KNTC1: variants seen among roughly 807,000 people sequenced by gnomAD.
The protein encoded by KNTC1 is kinetochore-associated protein 1.
KNTC1 carries 253 observed loss-of-function variants against 314.4 expected under a neutral mutation model. That is an observed-to-expected ratio of 0.80 (90% CI 0.73 to 0.89). The LOEUF is 0.89. Among genes scored for constraint, KNTC1 ranks in the 40% least tolerant of loss-of-function variants. The pLI is 0.00. For synonymous variants in KNTC1, 901 were observed against 901.4 expected (o/e 1.00, Z 0.01); for missense variants, 2,475 against 2,572.9 (o/e 0.96, Z 0.82).
chr12:122,585,583 A>G (rs1439900659), intron 36 of KNTC1, 53 bp from the exon 37 acceptor site: 3 of 1,582,552 alleles, frequency 1.9e-6, no homozygotes, highest in Non-Finnish European at 1.7e-6. Context: ...AGAAGAAACA[A>G]TGTGTTGTGC....
In KNTC1 at chr12:122,562,635, C is replaced by T. The variant is rs763777280; in HGVS notation, c.1543-3C>T. 7.7e-6 allele frequency: 12 copies of T among 1,557,798 alleles called. No individual in the cohort carries two copies. The highest frequency in any genetic ancestry group is 1.1e-5 in the Non-Finnish European group (12 of 1,130,970). ...TCAGATTATTAAATTATTTTTTCTT[C>T]AGGTGCTAAGAGCTCATGCAAAATT... On this transcript the variant is annotated splice_polypyrimidine_tract_variant and splice_region_variant and intron_variant, in intron 19 of 63. Transcript: ENST00000333479.
chr12:122,565,904 C>G (rs1593556627), intron 20 of KNTC1, among the ~76,000 whole-genome samples: 2 of 151,254 alleles, frequency 1.3e-5, no homozygotes, highest in South Asian at 4.2e-4. Context: ...TAAATAAATA[C>G]TTTCTCTTGT....
rs1868683470 is a variant in KNTC1 at position 122,583,138 on chromosome 12, T to C, written c.3263+153T>C. 2.0e-5 allele frequency among the ~76,000 whole-genome samples: 3 copies of C among 152,234 alleles called. No homozygotes were observed. The South Asian group carries it at 6.2e-4, about 32-fold the overall frequency. On this transcript the variant is annotated intron_variant, in intron 34 of 63. Coordinates refer to ENST00000333479, the MANE Select transcript of KNTC1 (RefSeq NM_014708.6). The stretch of plus-strand genomic sequence containing the variant: ...CATCCTGGCTAACATGGTGAAACCC[T>C]GTCTCTACTAAAAATACAAAAAATT...
chr12:122,585,990 C>T (rs1869229902), intron 37 of KNTC1, among the ~76,000 whole-genome samples: 1 of 152,280 alleles, frequency 6.6e-6, no homozygotes, highest in South Asian at 2.1e-4. Context: ...TGTTTGAAGT[C>T]AGGGCAGTGG....
At position 122,626,237 on chromosome 12, in the gene KNTC1, A is replaced by G. The variant is rs2138213287; in HGVS notation, c.*9A>G. ...TTAGTGGATTATCGTAAATCACTGA[A>G]CCTTTTTTTCAAGAAGGACAAGAAT... On this transcript the variant is annotated 3_prime_UTR_variant, in exon 64 of 64. Coordinates refer to ENST00000333479, the MANE Select transcript of KNTC1 (RefSeq NM_014708.6). The G allele has an allele frequency of 1.3e-6, 2 of 1,583,722 alleles. No individual in the cohort carries two copies. Among genetic ancestry groups the G allele is most frequent in the East Asian group, 4.5e-5 (2 of 44,662 alleles).
intron 18 of KNTC1, among the ~76,000 whole-genome samples, chr12:122,559,113 C>T (rs1307255686): frequency 6.6e-6 from 1 of 152,000 alleles, no homozygotes; most frequent in East Asian, 1.9e-4. Flanking sequence ...CTTTGGGAGG[C>T]CGAGGTGGGC....
rs1961175723 is a variant in KNTC1, at chr12:122,530,026, GAC to G, written c.-36_-35del. 4 of 1,606,574 alleles carry G rather than the reference GAC, an allele frequency of 2.5e-6. No individual in the cohort carries two copies. The African/African-American group carries it at 4.0e-5, about 16-fold the overall frequency. On this transcript the variant is annotated 5_prime_UTR_variant, in exon 2 of 64. An upstream open reading frame in the 5' UTR loses its in-frame stop. Transcript: ENST00000333479. The stretch of plus-strand genomic sequence containing the variant: ...GTCTAATTTTATGTTGTTCAGGAAA[GAC>G]AGTGGTTCCTGACTCAGGAAGACAG...
chr12:122,623,793 G>C (rs1239217381), intron 62 of KNTC1, among the ~76,000 whole-genome samples: 1 of 152,126 alleles, frequency 6.6e-6, no homozygotes, highest in South Asian at 2.1e-4. Flanking sequence ...CTGGCCGGGC[G>C]CAGTGGCTTA....
chr12:122,538,260 T>A, intron 3 of KNTC1, 79 bp from the exon 4 acceptor site: 2 of 801,250 alleles, frequency 2.5e-6, no homozygotes, highest in Non-Finnish European at 4.0e-6. Context: ...GGCTTTTTAA[T>A]GAGAAAAATT....
chr12:122,542,572 C>A (rs1008078697), intron 6 of KNTC1, among the ~76,000 whole-genome samples: 13 of 152,114 alleles, frequency 8.5e-5, no homozygotes, highest in South Asian at 2.1e-4. Context: ...GCAAGACCAG[C>A]CTGACCAACA....
intron 1 of KNTC1, among the ~76,000 whole-genome samples, chr12:122,529,643 T>TAAAGGTTTATTTCTAATG (rs1170765715): frequency 1.3e-5 from 2 of 152,348 alleles, no homozygotes; most frequent in South Asian, 4.1e-4. Context: ...TTGCTGCTAT[T>TAAAGGTTTATTTCTAATG]AAAGGTTTAT....
chr12:122,568,569 G>A (rs2137895010), intron 21 of KNTC1, among the ~76,000 whole-genome samples, 197 bp downstream of exon 21: 1 of 152,352 alleles, frequency 6.6e-6, no homozygotes, highest in Middle Eastern at 3.4e-3. Flanking sequence ...GGGCGCGATG[G>A]CTCACGCCTA....
chr12:122,571,836 A>AT (rs1248261350), intron 24 of KNTC1, among the ~76,000 whole-genome samples: 1 of 151,322 alleles, frequency 6.6e-6, no homozygotes, highest in African/African-American at 2.4e-5. Flanking sequence ...CGCCTGGCTA[A>AT]TTTTTTTTAT....
At chr12:122,559,398 G>A (rs1280947199) in intron 18 of KNTC1, among the ~76,000 whole-genome samples, 1 of 152,058 alleles carries the variant, frequency 6.6e-6, no homozygotes, top group Admixed American at 6.6e-5. Flanking sequence ...GCACATGTCA[G>A]TGCTGTATTT....
intron 39 of KNTC1, among the ~76,000 whole-genome samples, 174 bp from the exon 40 acceptor site, chr12:122,588,538 T>C (rs1364507886): frequency 6.6e-6 from 1 of 152,212 alleles, no homozygotes; most frequent in African/African-American, 2.4e-5. Flanking sequence ...TTTTTAATGC[T>C]TCCTCTTTGC....
Position 122,574,345 on chromosome 12 carries a change from G to A in KNTC1, c.2347G>A (p.Ala783Thr). The change falls in exon 27 of 64, where the codon GCC (alanine) becomes ACC (threonine). Residue 783 changes from alanine to threonine, a missense_variant. Transcript: ENST00000333479. Reference protein sequence around the residue: ...SLFETAWEAKAMAVIACLSDT... With the variant: ...SLFETAWEAKTMAVIACLSDT... ...CTTTGAAACAGCATGGGAAGCAAAG[G>A]CCATGGCAGTAATAGCGTGTTTATC... The A allele has an allele frequency of 6.2e-7, 1 of 1,611,264 alleles. No homozygotes were observed. Among genetic ancestry groups the A allele is most frequent in the Non-Finnish European group, 8.5e-7 (1 of 1,178,124 alleles).
intron 3 of KNTC1, among the ~76,000 whole-genome samples, chr12:122,535,262 G>T (rs1258828002): frequency 1.3e-5 from 2 of 151,762 alleles, no homozygotes; most frequent in African/African-American, 2.4e-5. Context: ...GGTGGCTCAT[G>T]CCTGCAATCC....
Position 122,609,364 on chromosome 12 carries a change from T to C in KNTC1, c.5497-20T>C. The C allele has an allele frequency of 3.3e-6, 5 of 1,538,054 alleles. No homozygotes were observed. Among genetic ancestry groups the C allele is most frequent in the Non-Finnish European group, 4.4e-6 (5 of 1,130,428 alleles). On this transcript the variant is annotated intron_variant, in intron 51 of 63. Coordinates refer to ENST00000333479, the MANE Select transcript of KNTC1 (RefSeq NM_014708.6). ...ATAAACTTTTTCAGTTTTTGACCTT[T>C]TTTTCCTACCTTTTCAAAGAAACCA...
At chr12:122,582,021 T>C (rs1868477678) in intron 33 of KNTC1, among the ~76,000 whole-genome samples, 1 of 152,196 alleles carries the variant, frequency 6.6e-6, no homozygotes, top group Admixed American at 6.5e-5. Flanking sequence ...GTGAATTTGC[T>C]TATTCTAGCT....
Sources: gnomAD v4.1 joint callset for allele counts (sites outside exome capture counted in the v4.1 genomes callset) on GRCh38, gnomAD v4.1.1 for gene constraint, MANE v1.5 for transcripts, NCBI Gene and HGNC (gene_info 2026-07-23, HGNC 2026-07-21) for gene names.